KNL1: variants seen among roughly 807,000 people sequenced by gnomAD.
KNL1 encodes outer kinetochore KNL1 complex subunit KNL1.
In KNL1, 66 loss-of-function variants were observed where a neutral mutation model predicts 201.3. The observed-to-expected ratio is 0.33, with a 90% CI of 0.27 to 0.40. The LOEUF (loss-of-function observed/expected upper bound fraction) is 0.40. Among genes scored for constraint, KNL1 ranks in the 10% least tolerant of loss-of-function variants. The probability of loss-of-function intolerance (pLI) is 1.00; values close to 1 mark genes in which losing one functional copy is unlikely to be tolerated. For missense variants in KNL1, 2,815 were observed against 2,690.5 expected, an observed-to-expected ratio of 1.05 and a Z score of -1.02; for synonymous variants, 895 against 899.2, an observed-to-expected ratio of 1.00 and a Z score of 0.08.
chr15:40,610,166 C>T (rs955136949), intron 5 of KNL1, 79 bp from the exon 6 acceptor site: 2 of 800,802 alleles, frequency 2.5e-6, no homozygotes, highest in African/African-American at 1.7e-5. Context: ...TGACCTATCT[C>T]AACACAGACT....
At chr15:40,620,162 G>C (rs192758036) in intron 9 of KNL1, among the ~76,000 whole-genome samples, 5 of 152,102 alleles carry the variant, frequency 3.3e-5, no homozygotes, top group African/African-American at 1.2e-4. Context: ...CCCTGCCTCA[G>C]CCTTCCAAAG....
chr15:40,595,850 A>G (rs1352070357), intron 1 of KNL1, among the ~76,000 whole-genome samples: 1 of 152,100 alleles, frequency 6.6e-6, no homozygotes, highest in African/African-American at 2.4e-5. Context: ...CTGTCATTTC[A>G]CTCTTATCCT....
chr15:40,625,202 G>C lies in KNL1; in HGVS notation c.4938G>C (p.Arg1646Ser). 2 of 1,613,986 alleles carry C rather than the reference G, an allele frequency of 1.2e-6. No individual in the cohort carries two copies. Among genetic ancestry groups the C allele is most frequent in the Non-Finnish European group, 1.7e-6 (2 of 1,179,946 alleles). Reference protein sequence around the residue: ...PPKTVFKDKVRRCSLGIFLPR... With the variant: ...PPKTVFKDKVSRCSLGIFLPR... ...AGACAGTTTTTAAAGATAAAGTAAG[G>C]AGATGTTCTTTGGGAATCTTTTTGC... Residue 1646 changes from arginine (R) to serine (S), a missense_variant, in exon 10 of 26, where the codon AGG becomes AGC. By Grantham distance (110) the Arg-to-Ser change is moderately radical (BLOSUM62 -1). Transcript: ENST00000399668.
At position 40,624,126 on chromosome 15, in the gene KNL1, A is replaced by C; in HGVS notation, c.3862A>C (p.Thr1288Pro). The change falls in exon 10 of 26, where the codon ACA (threonine) becomes CCA (proline). Residue 1288 changes from threonine (T) to proline (P), a missense_variant. By Grantham distance (38) the Thr-to-Pro change is conservative. This residue lies in a region of KNL1 where 2,464 missense variants were observed against 2,291.7 expected (regional missense o/e 1.08). Transcript: ENST00000399668. The stretch of plus-strand genomic sequence containing the variant: ...TAGAGATAGAAGAAATGTGGACTTT[A>C]CAAGTAGTCATGCAACTGCTGTTTG... ...NNRDRRNVDF[T>P]SSHATAVCGS... 6.2e-7 allele frequency: 1 copy of C among 1,614,070 alleles called. No homozygotes were observed. The highest frequency in any genetic ancestry group is 8.5e-7 in the Non-Finnish European group (1 of 1,179,950).
intron 14 of KNL1, 95 bp from the exon 15 acceptor site, chr15:40,644,902 T>G: frequency 1.5e-6 from 1 of 669,304 alleles, no homozygotes; most frequent in Non-Finnish European, 2.5e-6. Flanking sequence ...TTTTTCCAAA[T>G]GGAGTCTCTT....
rs1470260912 is a variant in KNL1, at chr15:40,624,210, G to A, written c.3946G>A (p.Glu1316Lys). Residue 1316 changes from glutamate to lysine, a missense_variant, in exon 10 of 26, where the codon GAG becomes AAG. Physicochemically the swap from Glu to Lys is moderately conservative, Grantham distance 56. Around this residue, in one of 3 missense-constraint regions of KNL1, gnomAD observed 2,464 missense variants for 2,291.7 expected, o/e 1.08. Transcript: ENST00000399668. The part of the protein sequence containing the change: ...PNVISCTDNL[E>K]GSAMLLCDKD... ...TGTTATTTCCTGTACTGATAATTTGGAGGGTAGTGCCATGCTCTTATGTGA... is the reference window on the plus strand; with the variant it reads ...TGTTATTTCCTGTACTGATAATTTGAAGGGTAGTGCCATGCTCTTATGTGA... The A allele has an allele frequency of 6.2e-7, 1 of 1,613,904 alleles. No homozygotes were observed. Among genetic ancestry groups the A allele is most frequent in the East Asian group, 2.2e-5 (1 of 44,868 alleles).
chr15:40,613,833 C>T (rs1287896102), intron 7 of KNL1, among the ~76,000 whole-genome samples: 4 of 151,590 alleles, frequency 2.6e-5, no homozygotes, highest in Middle Eastern at 3.2e-3. Context: ...AGTCTCGCTC[C>T]GTCACCCAGG....
chr15:40,651,744 TATGGAATTATA>T (rs1201217712), intron 20 of KNL1, among the ~76,000 whole-genome samples, 172 bp downstream of exon 20: 2 of 152,228 alleles, frequency 1.3e-5, no homozygotes, highest in African/African-American at 4.8e-5. Flanking sequence ...GTAGAAGAAC[TATGGAATTATA>T]ATTTTTCCAT....
chr15:40,624,607 A>G lies in KNL1; in HGVS notation c.4343A>G (p.Asp1448Gly), dbSNP rs1385545429. Residue 1448 changes from aspartate (D) to glycine (G), a missense_variant, in exon 10 of 26, where the codon GAC becomes GGC. Physicochemically the swap from Asp to Gly is moderately conservative, Grantham distance 94 (BLOSUM62 -1). Transcript: ENST00000399668. ...ATTCCTCAGCCTCATTTCTCAACCG[A>G]CCAACCTCCATTACCTAAAAAAGGA... ...YVIPQPHFSTDQPPLPKKGQS... is the reference protein window; with the variant it reads ...YVIPQPHFSTGQPPLPKKGQS... 2.5e-6 allele frequency: 4 copies of G among 1,613,896 alleles called. No individual in the cohort carries two copies. The African/African-American group carries it at 5.3e-5, about 22-fold the overall frequency.
intron 24 of KNL1, among the ~76,000 whole-genome samples, chr15:40,658,878 C>G (rs1345351854): frequency 6.7e-6 from 1 of 149,090 alleles, no homozygotes; most frequent in Non-Finnish European, 1.5e-5. Flanking sequence ...TGCAGTGAGC[C>G]GAGATTACTC....
At position 40,662,192 on chromosome 15, in the gene KNL1, C is replaced by CAT. The variant is rs538937570; in HGVS notation, c.*4_*5insAT. On this transcript the variant is annotated 3_prime_UTR_variant, in exon 26 of 26. Transcript: ENST00000399668. Reference sequence around the variant, plus strand: ...GGACTGCCATTTCTACCACTAGACCCTTGGACCACCATTGGAACAACCAAG... The same window carrying CAT: ...GGACTGCCATTTCTACCACTAGACCCATTTGGACCACCATTGGAACAACCAAG... 2.6e-4 allele frequency: 390 copies of CAT among 1,476,660 alleles called. No individual in the cohort carries two copies. The African/African-American group carries it at 5.1e-3, about 19-fold the overall frequency. 91.5% of individuals were successfully genotyped at this position (1,476,660 alleles called of 1,614,324 possible). A position where few individuals can be genotyped will look rare whatever the true frequency, so the allele number is the denominator to read the frequency against.
intron 13 of KNL1, among the ~76,000 whole-genome samples, chr15:40,630,448 A>T (rs981287229): frequency 1.3e-5 from 2 of 152,226 alleles, no homozygotes; most frequent in Non-Finnish European, 2.9e-5. Context: ...AATATCTTGT[A>T]GATGAAGCAT....
rs34274284 is a variant in KNL1 at position 40,632,210 on chromosome 15, AC to A, written c.5682+2848del. On this transcript the variant is annotated intron_variant, in intron 13 of 25. Coordinates refer to ENST00000399668, the MANE Select transcript of KNL1 (RefSeq NM_144508.5). ...AGACCAGCCTGGGCAACATAGCGAG[AC>A]CCCCCCCCACCCACATCTTTTAATT... Among the ~76,000 whole-genome samples the A allele has an allele frequency of 4.5e-3, 589 of 131,764 alleles. 16 individuals carry two copies. The highest frequency in any genetic ancestry group is 0.016 in the African/African-American group (550 of 34,758). 86.4% of individuals were successfully genotyped at this position (131,764 alleles called of 152,430 possible).
chr15:40,640,098 C>CTTTTTTTTTTTTTTTTCTTTTT (rs544723388), intron 13 of KNL1, among the ~76,000 whole-genome samples: 1 of 124,506 alleles, frequency 8.0e-6, no homozygotes, highest in African/African-American at 3.0e-5. Context: ...TTTTTCTTTT[C>CTTTTTTTTTTTTTTTTCTTTTT]TTTTTTTTTT....
intron 22 of KNL1, among the ~76,000 whole-genome samples, chr15:40,656,551 A>G (rs1017613667): frequency 1.3e-5 from 2 of 152,218 alleles, no homozygotes; most frequent in Non-Finnish European, 2.9e-5. Context: ...GAAATGTCCT[A>G]TCTTCACCAT....
intron 8 of KNL1, among the ~76,000 whole-genome samples, chr15:40,617,715 A>T (rs1269354599): frequency 6.6e-6 from 1 of 152,106 alleles, no homozygotes; most frequent in Non-Finnish European, 1.5e-5. Context: ...CTTATTAAAG[A>T]GGCCAAACTT....
chr15:40,644,932 A>G, intron 14 of KNL1, 65 bp from the exon 15 acceptor site: 1 of 992,390 alleles, frequency 1.0e-6, no homozygotes, highest in Non-Finnish European at 1.5e-6. Flanking sequence ...CTTTCTACAT[A>G]GACACAGTAA....
intron 13 of KNL1, among the ~76,000 whole-genome samples, chr15:40,638,772 C>T (rs574706904): frequency 6.6e-5 from 10 of 151,704 alleles, no homozygotes; most frequent in South Asian, 4.2e-4. Flanking sequence ...GGATTACAGG[C>T]GTGAGCCACC....
intron 18 of KNL1, 73 bp from the exon 19 acceptor site, chr15:40,650,471 T>C: frequency 6.4e-7 from 1 of 1,570,362 alleles, no homozygotes; most frequent in Non-Finnish European, 8.6e-7. Flanking sequence ...AGTCAGAATT[T>C]TCAATAAAAC....
Sources: gnomAD v4.1 joint callset for allele counts (sites outside exome capture counted in the v4.1 genomes callset) on GRCh38, gnomAD v4.1.1 for gene constraint, gnomAD v4.1.1 regional missense constraint, MANE v1.5 for transcripts, NCBI Gene and HGNC (gene_info 2026-07-23, HGNC 2026-07-21) for gene names.